The following NAV2 variants were observed in gnomAD, a reference collection of about 807,000 sequenced individuals.
The protein encoded by NAV2 is neuron navigator 2.
In NAV2, 54 loss-of-function variants were observed where a neutral mutation model predicts 223.2. The ratio of observed to expected loss-of-function variants is 0.24; its 90% CI spans 0.19 to 0.30. The LOEUF is 0.30. NAV2 is among the 10% of genes least tolerant of loss of function. NAV2 has a pLI of 1.00. For missense variants in NAV2, 2,806 were observed against 3,147.5 expected, an observed-to-expected ratio of 0.89 and a Z score of 2.60; for synonymous variants, 1,279 against 1,239.3, an observed-to-expected ratio of 1.03 and a Z score of -0.67.
At chr11:20,105,500 C>A (rs11025385) in intron 34 of NAV2, 31 bp from the exon 35 acceptor site, 1,240,444 of 1,584,694 alleles carry the variant, frequency 0.78, 499,960 homozygotes, top group South Asian at 0.84. Flanking sequence ...TCACCATCAT[C>A]AGCTTGAAAA....
intron 1 of NAV2, among the ~76,000 whole-genome samples, chr11:19,552,543 G>A (rs549733341): frequency 6.6e-6 from 1 of 152,162 alleles, no homozygotes; most frequent in South Asian, 2.1e-4. Flanking sequence ...AAGCTCCCCA[G>A]CCTGAATCCC....
chr11:19,639,801 T>G (rs7943341), intron 1 of NAV2, among the ~76,000 whole-genome samples: 37 of 152,326 alleles, frequency 2.4e-4, no homozygotes, highest in African/African-American at 7.9e-4. Flanking sequence ...CACCGCTACA[T>G]GCTGCCTGGC....
intron 1 of NAV2, among the ~76,000 whole-genome samples, chr11:19,691,452 G>A (rs1004056514): frequency 2.0e-5 from 3 of 152,240 alleles, no homozygotes; most frequent in East Asian, 1.9e-4. Context: ...GACTTGCCAC[G>A]TTTCAAGTCC....
At chr11:19,368,846 TTCTC>T (rs1848376140) in intron 1 of NAV2, among the ~76,000 whole-genome samples, 1 of 152,218 alleles carries the variant, frequency 6.6e-6, no homozygotes, top group African/African-American at 2.4e-5. Flanking sequence ...AGCTACCTCT[TTCTC>T]AGGTCTTCAG....
intron 1 of NAV2, among the ~76,000 whole-genome samples, chr11:19,624,716 T>A (rs2135442542): frequency 6.6e-6 from 1 of 152,310 alleles, no homozygotes; most frequent in African/African-American, 2.4e-5. Flanking sequence ...GTGAGGCGAT[T>A]CCTCGCCCTG....
chr11:20,015,048 A>G (rs1301063393), intron 11 of NAV2, among the ~76,000 whole-genome samples: 1 of 152,208 alleles, frequency 6.6e-6, no homozygotes, highest in Non-Finnish European at 1.5e-5. Context: ...AGGAGCTGAG[A>G]TTGTGTCACT....
At chr11:19,900,543 G>T (rs752616785) in intron 6 of NAV2, among the ~76,000 whole-genome samples, 5 of 152,124 alleles carry the variant, frequency 3.3e-5, no homozygotes, top group Non-Finnish European at 7.3e-5. Flanking sequence ...AACAGCTCAG[G>T]TGTGAGGGAA....
chr11:19,892,737 G>GA, intron 6 of NAV2, 143 bp downstream of exon 6: 1 of 814,044 alleles, frequency 1.2e-6, no homozygotes, highest in South Asian at 2.6e-5. Context: ...TGGTAGGCAG[G>GA]AACTTTAGTA....
At chr11:19,953,260 C>T (rs745368781) in intron 10 of NAV2, among the ~76,000 whole-genome samples, 19 of 152,260 alleles carry the variant, frequency 1.2e-4, no homozygotes, top group Non-Finnish European at 2.6e-4. Flanking sequence ...CTCTCAGAAC[C>T]TTTGATGGCT....
chr11:19,789,920 C>G (rs1164000309), intron 1 of NAV2, among the ~76,000 whole-genome samples: 1 of 152,148 alleles, frequency 6.6e-6, no homozygotes, highest in African/African-American at 2.4e-5. Flanking sequence ...CTCTGATTAC[C>G]CTTCTCATGG....
At chr11:19,961,263 A>G (rs148631354) in intron 10 of NAV2, among the ~76,000 whole-genome samples, 1 of 152,164 alleles carries the variant, frequency 6.6e-6, no homozygotes, top group East Asian at 1.9e-4. Context: ...GTTTATTTTT[A>G]TCTTAAGCAT....
rs1453988054 is a variant in NAV2, at chr11:19,758,601, G to A, written c.267+44639G>A. ...GGACAGGCCCAGGTGACTCAGGGAA[G>A]GGTGAGCTGAGCTGGTGGGCAGCCC... On this transcript the variant is annotated intron_variant, in intron 1 of 37. Transcript: ENST00000349880. 2.0e-5 allele frequency among the ~76,000 whole-genome samples: 3 copies of A among 152,366 alleles called. No homozygotes were observed. The East Asian group carries it at 5.8e-4, about 29-fold the overall frequency.
chr11:19,509,861 G>GA (rs201439582), intron 1 of NAV2, among the ~76,000 whole-genome samples: 21,243 of 135,302 alleles, frequency 0.16, 1,559 homozygotes, highest in Admixed American at 0.21. Flanking sequence ...GAAAGAAATA[G>GA]GAAAAAAAAA....
intron 1 of NAV2, among the ~76,000 whole-genome samples, chr11:19,572,698 A>G (rs559690691): frequency 5.9e-5 from 9 of 152,288 alleles, no homozygotes; most frequent in African/African-American, 1.9e-4. Flanking sequence ...TCTCCCACTT[A>G]TGAGCTGCAT....
intron 1 of NAV2, among the ~76,000 whole-genome samples, chr11:19,691,463 G>A (rs971352626): frequency 3.3e-5 from 5 of 152,118 alleles, no homozygotes; most frequent in African/African-American, 9.7e-5. Flanking sequence ...TTTCAAGTCC[G>A]CAGTTGTCAC....
intron 10 of NAV2, among the ~76,000 whole-genome samples, chr11:19,971,515 T>TA (rs1281335107): frequency 2.6e-5 from 4 of 152,076 alleles, no homozygotes; most frequent in Non-Finnish European, 4.4e-5. Flanking sequence ...GGCCCCCCGG[T>TA]AACACCCCAG....
At chr11:19,528,913 A>G (rs1273448692) in intron 1 of NAV2, among the ~76,000 whole-genome samples, 2 of 131,478 alleles carry the variant, frequency 1.5e-5, no homozygotes, top group African/African-American at 5.8e-5. Flanking sequence ...CCGGTGACAG[A>G]GTGAGACTCC....
Position 19,948,736 on chromosome 11 carries a change from T to C in NAV2, c.2301T>C (p.Ser767=), listed in dbSNP as rs1006958022. Residue 767 remains serine, a synonymous_variant, in exon 10 of 38, where the codon AGT becomes AGC. Transcript: ENST00000349880. ...TFDTNVTTEM[S]GRSILSLTGR... ...ACACCAATGTCACCACGGAGATGAG[T>C]GGCCGTAGCATACTCAGCTTGACAG... 8 of 1,599,872 alleles carry C rather than the reference T, an allele frequency of 5.0e-6. No homozygotes were observed. In the East Asian group the frequency reaches 1.4e-4, roughly 27 times the overall value.
rs139872286 is a variant in NAV2, at chr11:19,960,718, A to G, written c.2645+11638A>G. On this transcript the variant is annotated intron_variant, in intron 10 of 37. Coordinates refer to ENST00000349880, the MANE Select transcript of NAV2 (RefSeq NM_145117.5). ...AACCTCTGCCTCCCGCATTCAAGTG[A>G]TTATCCTGCCTCAGCCTCCCGAGCA... Among the ~76,000 whole-genome samples, 376 of 152,060 alleles carry G rather than the reference A, an allele frequency of 2.5e-3. 3 individuals are homozygous for G. Among genetic ancestry groups the G allele is most frequent in the East Asian group, 0.019 (96 of 5,152 alleles).
Sources: gnomAD v4.1 joint callset for allele counts (sites outside exome capture counted in the v4.1 genomes callset) on GRCh38, gnomAD v4.1.1 for gene constraint, MANE v1.5 for transcripts, NCBI Gene and HGNC (gene_info 2026-07-23, HGNC 2026-07-21) for gene names.